DPP10: variants seen among roughly 807,000 people sequenced by gnomAD.
DPP10 encodes the protein dipeptidyl peptidase like 10, also known as inactive dipeptidyl peptidase 10.
A neutral mutation model predicts 120.9 loss-of-function variants in DPP10; 33 were observed. The observed-to-expected ratio is 0.27, with a 90% CI of 0.21 to 0.37. DPP10 has a LOEUF of 0.37. DPP10 is among the 10% of genes least tolerant of loss of function. The pLI, the probability that DPP10 is intolerant of heterozygous loss-of-function variation, is 1.00. For missense variants in DPP10, 816 were observed against 942.8 expected, an observed-to-expected ratio of 0.87 and a Z score of 1.76; for synonymous variants, 337 against 326.1, an observed-to-expected ratio of 1.03 and a Z score of -0.36.
intron 3 of DPP10, among the ~76,000 whole-genome samples, chr2:115,412,545 T>C (rs992566356): frequency 6.6e-6 from 1 of 152,204 alleles, no homozygotes; most frequent in African/African-American, 2.4e-5. Context: ...TCATTTTCAT[T>C]AGAATTCTTG....
chr2:114,939,274 G>GT, intron 1 of DPP10, among the ~76,000 whole-genome samples: 1 of 151,840 alleles, frequency 6.6e-6, no homozygotes, highest in Non-Finnish European at 1.5e-5. Context: ...GTGTTGAAAG[G>GT]GGGGGGTGGT....
intron 1 of DPP10, among the ~76,000 whole-genome samples, chr2:114,687,261 C>T (rs912467472): frequency 2.0e-5 from 3 of 151,924 alleles, no homozygotes; most frequent in African/African-American, 7.2e-5. Flanking sequence ...TTCTTTCTGG[C>T]TGCACCTGAG....
At chr2:115,399,894 GA>G (rs2067943700) in intron 3 of DPP10, among the ~76,000 whole-genome samples, 2 of 151,848 alleles carry the variant, frequency 1.3e-5, no homozygotes, top group African/African-American at 4.8e-5. Flanking sequence ...CATTTATAAA[GA>G]AAAAAAGGTT....
chr2:115,402,937 A>ATG lies in DPP10; in HGVS notation c.271+59026_271+59027insGT, dbSNP rs1273593032. On this transcript the variant is annotated intron_variant, in intron 3 of 25. Coordinates refer to ENST00000410059, the MANE Select transcript of DPP10 (RefSeq NM_020868.6). ...TGTGTGTATATATATATGTATATAT[A>ATG]TATGTGTGTGTGTATATATATATAT... Among the ~76,000 whole-genome samples the ATG allele has an allele frequency of 1.5e-4, 21 of 138,180 alleles. No individual in the cohort carries two copies. The East Asian group carries it at 2.2e-3, about 14-fold the overall frequency. The allele number at this position is 138,180 out of a possible 152,430, so 90.7% of individuals were successfully genotyped here.
chr2:114,883,142 A>G (rs1166102111), intron 1 of DPP10, among the ~76,000 whole-genome samples: 1 of 152,226 alleles, frequency 6.6e-6, no homozygotes, highest in Non-Finnish European at 1.5e-5. Context: ...GTTCCTGGCC[A>G]AGTGTATGTT....
intron 1 of DPP10, among the ~76,000 whole-genome samples, chr2:115,063,446 C>A (rs972607645): frequency 1.3e-5 from 2 of 152,006 alleles, no homozygotes; most frequent in African/African-American, 4.8e-5. Flanking sequence ...CAAAAAAGAG[C>A]CCATATAGCC....
Position 115,777,276 on chromosome 2 carries a change from A to G in DPP10, c.1290A>G (p.Ala430=), listed in dbSNP as rs149510357. 3.2e-5 allele frequency: 52 copies of G among 1,613,090 alleles called. No individual in the cohort carries two copies. In the African/African-American group the frequency reaches 6.1e-4, roughly 19 times the overall value. Residue 430 remains alanine, a synonymous_variant, in exon 14 of 26, where the codon GCA becomes GCG. Transcript: ENST00000410059. ...SGNWEVIKIL[A]YDETTQKIYF... is the part of the protein sequence containing the mutation. Reference sequence around the variant, plus strand: ...ACTGGGAAGTGATAAAGATCTTGGCATACGATGAAACTACTCAAAAAATGT... The same window carrying G: ...ACTGGGAAGTGATAAAGATCTTGGCGTACGATGAAACTACTCAAAAAATGT...
At chr2:115,333,721 T>G (rs1302025544) in intron 2 of DPP10, among the ~76,000 whole-genome samples, 1 of 152,078 alleles carries the variant, frequency 6.6e-6, no homozygotes, top group Non-Finnish European at 1.5e-5. Flanking sequence ...GGGTTGAAAA[T>G]TCTTTTCTTT....
intron 11 of DPP10, among the ~76,000 whole-genome samples, chr2:115,760,656 C>T (rs1299916927): frequency 6.6e-6 from 1 of 152,186 alleles, no homozygotes; most frequent in Admixed American, 6.5e-5. Flanking sequence ...GTTAAATCAA[C>T]CACTTGATGC....
At chr2:114,755,348 C>T (rs2106068711) in intron 1 of DPP10, among the ~76,000 whole-genome samples, 1 of 152,302 alleles carries the variant, frequency 6.6e-6, no homozygotes, top group East Asian at 1.9e-4. Context: ...GGCTGGAGTG[C>T]AATGGCACAA....
At chr2:115,058,863 T>C (rs1275811329) in intron 1 of DPP10, among the ~76,000 whole-genome samples, 1 of 152,176 alleles carries the variant, frequency 6.6e-6, no homozygotes, top group Non-Finnish European at 1.5e-5. Context: ...GTTTTTCTTG[T>C]CCCCAAATCC....
intron 1 of DPP10, among the ~76,000 whole-genome samples, chr2:114,910,923 G>T (rs1475211719): frequency 6.6e-6 from 1 of 152,116 alleles, no homozygotes; most frequent in Non-Finnish European, 1.5e-5. Flanking sequence ...AGACTTTGAA[G>T]AAGTATATGG....
At chr2:115,072,406 T>C (rs1707440657) in intron 1 of DPP10, among the ~76,000 whole-genome samples, 2 of 152,232 alleles carry the variant, frequency 1.3e-5, no homozygotes, top group African/African-American at 4.8e-5. Context: ...ATTTTGCCTA[T>C]GTGTAGATGT....
rs1051250857 is a variant in DPP10 at position 115,186,378 on chromosome 2, T to C, written c.61-122861T>C. ...TAGATTTACATTGCTGGAGGAGACATGATAGTCCTCTCAGAGCCTACGGTG... is the reference window on the plus strand; with the variant it reads ...TAGATTTACATTGCTGGAGGAGACACGATAGTCCTCTCAGAGCCTACGGTG... On this transcript the variant is annotated intron_variant, in intron 1 of 25. Coordinates refer to ENST00000410059, the MANE Select transcript of DPP10 (RefSeq NM_020868.6). Among the ~76,000 whole-genome samples the C allele has an allele frequency of 1.3e-5, 2 of 152,322 alleles. 1 individual carries two copies. The highest frequency in any genetic ancestry group is 1.3e-4 in the Admixed American group (2 of 15,306).
intron 1 of DPP10, among the ~76,000 whole-genome samples, chr2:115,170,820 G>A (rs2053263175): frequency 6.6e-6 from 1 of 152,104 alleles, no homozygotes; most frequent in South Asian, 2.1e-4. Flanking sequence ...ATTTATGAAG[G>A]TTGCTTATAA....
At chr2:115,245,419 C>T (rs184173893) in intron 1 of DPP10, among the ~76,000 whole-genome samples, 28 of 151,892 alleles carry the variant, frequency 1.8e-4, no homozygotes, top group Admixed American at 1.7e-3. Context: ...CGAATTAAAA[C>T]TAATGAGATA....
chr2:115,468,591 G>A, intron 3 of DPP10: 1 of 392,940 alleles, frequency 2.5e-6, no homozygotes, highest in Non-Finnish European at 5.0e-6. Context: ...GGCCCGGGGA[G>A]TTCTGCACTT....
At chr2:114,847,760 C>A (rs1688656430) in intron 1 of DPP10, among the ~76,000 whole-genome samples, 1 of 152,110 alleles carries the variant, frequency 6.6e-6, no homozygotes, top group Non-Finnish European at 1.5e-5. Flanking sequence ...TTTCAATAAT[C>A]TTTCCTTTTT....
chr2:114,576,656 C>T (rs1234212491), intron 1 of DPP10, among the ~76,000 whole-genome samples: 2 of 152,108 alleles, frequency 1.3e-5, no homozygotes. Flanking sequence ...AGCAAACAAA[C>T]AAACAAACAA....
Sources: gnomAD v4.1 joint callset for allele counts (sites outside exome capture counted in the v4.1 genomes callset) on GRCh38, gnomAD v4.1.1 for gene constraint, MANE v1.5 for transcripts, NCBI Gene and HGNC (gene_info 2026-07-23, HGNC 2026-07-21) for gene names.